FCHSD2: variants seen among roughly 807,000 people sequenced by gnomAD.
FCHSD2 encodes F-BAR and double SH3 domains protein 2.
A neutral mutation model predicts 108.1 loss-of-function variants in FCHSD2; 38 were observed. The ratio of observed to expected loss-of-function variants is 0.35; its 90% CI spans 0.27 to 0.46. The LOEUF (loss-of-function observed/expected upper bound fraction) is 0.46. Ranked by LOEUF, FCHSD2 falls within the 20% of genes least tolerant of loss-of-function variation. The pLI is 1.00. For synonymous variants in FCHSD2, 279 were observed against 314.7 expected (o/e 0.89, Z 1.20); for missense variants, 751 against 897.8 (o/e 0.84, Z 2.09).
intron 10 of FCHSD2, among the ~76,000 whole-genome samples, chr11:72,900,883 T>A (rs1278371988): frequency 6.6e-6 from 1 of 152,246 alleles, no homozygotes; most frequent in Non-Finnish European, 1.5e-5. Context: ...GTTCTAAATT[T>A]ATCAAAATAC....
At chr11:72,852,845 T>C (rs1861326315) in intron 13 of FCHSD2, among the ~76,000 whole-genome samples, 1 of 152,144 alleles carries the variant, frequency 6.6e-6, no homozygotes, top group Non-Finnish European at 1.5e-5. Context: ...TGTAGGAACA[T>C]GGATGGAACT....
chr11:72,924,416 T>A (rs1205221683), intron 8 of FCHSD2, among the ~76,000 whole-genome samples: 1 of 150,702 alleles, frequency 6.6e-6, no homozygotes, highest in Non-Finnish European at 1.5e-5. Context: ...TAGCTGGGAC[T>A]ACAGGTGCCC....
At chr11:73,010,244 T>C (rs1314419344) in intron 4 of FCHSD2, among the ~76,000 whole-genome samples, 1 of 152,212 alleles carries the variant, frequency 6.6e-6, no homozygotes, top group East Asian at 1.9e-4. Flanking sequence ...ACAGAATTTC[T>C]GTTTGGTTCT....
intron 15 of FCHSD2, 48 bp from the exon 16 acceptor site, chr11:72,843,376 CAG>C: frequency 6.2e-7 from 1 of 1,610,440 alleles, no homozygotes; most frequent in Non-Finnish European, 8.5e-7. Flanking sequence ...ACAATTTAGA[CAG>C]GGCACAACAA....
intron 2 of FCHSD2, among the ~76,000 whole-genome samples, chr11:73,130,183 T>C (rs1279160255): frequency 6.6e-6 from 1 of 152,150 alleles, no homozygotes; most frequent in Non-Finnish European, 1.5e-5. Context: ...CCATAATCTC[T>C]TATATTTATA....
chr11:73,002,851 C>CT (rs1387346440), intron 4 of FCHSD2, among the ~76,000 whole-genome samples: 1 of 152,124 alleles, frequency 6.6e-6, no homozygotes, highest in African/African-American at 2.4e-5. Flanking sequence ...CAGCACTTTT[C>CT]TTTTAATTAT....
chr11:72,986,412 T>C (rs1462433351), intron 6 of FCHSD2, among the ~76,000 whole-genome samples: 1 of 152,194 alleles, frequency 6.6e-6, no homozygotes, highest in African/African-American at 2.4e-5. Context: ...GGTTTCACCA[T>C]GTTAGCCAGG....
chr11:73,091,585 TC>T (rs753165477), intron 2 of FCHSD2, among the ~76,000 whole-genome samples: 3 of 152,030 alleles, frequency 2.0e-5, no homozygotes, highest in South Asian at 4.2e-4. Context: ...AAATATCACT[TC>T]CAGACAGAAT....
At chr11:72,866,959 A>G (rs1854741329) in intron 13 of FCHSD2, among the ~76,000 whole-genome samples, 1 of 152,144 alleles carries the variant, frequency 6.6e-6, no homozygotes, top group East Asian at 1.9e-4. Flanking sequence ...CACCCATCCA[A>G]CCATTCACTC....
At chr11:72,975,912 A>G (rs933371601) in intron 8 of FCHSD2, among the ~76,000 whole-genome samples, 1 of 152,204 alleles carries the variant, frequency 6.6e-6, no homozygotes, top group Admixed American at 6.5e-5. Flanking sequence ...CTTTTCTACT[A>G]TGACACACTG....
intron 3 of FCHSD2, among the ~76,000 whole-genome samples, chr11:73,030,753 A>T (rs1277596819): frequency 1.3e-5 from 2 of 152,198 alleles, no homozygotes; most frequent in African/African-American, 4.8e-5. Flanking sequence ...TTGATAGTGA[A>T]ATGGTTACCA....
chr11:72,984,981 C>G, intron 7 of FCHSD2, 81 bp downstream of exon 7: 4 of 646,680 alleles, frequency 6.2e-6, no homozygotes, highest in Non-Finnish European at 1.1e-5. Flanking sequence ...AAATAATCCA[C>G]CTCCACCCTC....
intron 11 of FCHSD2, 59 bp from the exon 12 acceptor site, chr11:72,887,633 T>C: frequency 9.3e-7 from 1 of 1,072,844 alleles, no homozygotes; most frequent in Non-Finnish European, 1.3e-6. Flanking sequence ...CTTCCTTAAG[T>C]GATTAAAGTA....
chr11:72,898,656 A>G (rs1855467394), intron 10 of FCHSD2, among the ~76,000 whole-genome samples: 1 of 152,000 alleles, frequency 6.6e-6, no homozygotes, highest in Non-Finnish European at 1.5e-5. Flanking sequence ...ATAGTCATGT[A>G]CTTTCAAACT....
intron 3 of FCHSD2, among the ~76,000 whole-genome samples, chr11:73,080,302 A>T (rs1421223919): frequency 3.3e-5 from 5 of 150,168 alleles, no homozygotes; most frequent in Admixed American, 6.6e-5. Flanking sequence ...GTCTCAAAAA[A>T]AAAAAAAAAA....
chr11:73,079,200 A>AT (rs775568668), intron 3 of FCHSD2, among the ~76,000 whole-genome samples: 350 of 143,308 alleles, frequency 2.4e-3, no homozygotes, highest in East Asian at 5.0e-3. Context: ...AAGAGAAATA[A>AT]TTTTTTTTTT....
intron 8 of FCHSD2, among the ~76,000 whole-genome samples, chr11:72,944,104 A>T (rs946712888): frequency 2.0e-5 from 3 of 152,206 alleles, no homozygotes; most frequent in Non-Finnish European, 4.4e-5. Flanking sequence ...AAAAAAAGAG[A>T]ATTTTAAAAC....
chr11:72,893,370 C>T (rs770035330), intron 10 of FCHSD2, among the ~76,000 whole-genome samples: 3 of 152,024 alleles, frequency 2.0e-5, no homozygotes, highest in South Asian at 4.1e-4. Context: ...GGCTGGAGTG[C>T]GGTGGTGCAA....
intron 8 of FCHSD2, among the ~76,000 whole-genome samples, chr11:72,923,015 G>A (rs1856003950): frequency 6.6e-6 from 1 of 152,052 alleles, no homozygotes; most frequent in Admixed American, 6.6e-5. Flanking sequence ...TGCCTACTCT[G>A]GATATTTCAT....
Sources: allele counts gnomAD v4.1 joint callset (sites outside exome capture counted in the v4.1 genomes callset), GRCh38; gene constraint gnomAD v4.1.1; transcripts MANE v1.5; gene names NCBI Gene and HGNC (gene_info 2026-07-23, HGNC 2026-07-21).